Variants in KLHL18 observed in about 807,000 individuals in gnomAD.
KLHL18 encodes kelch like family member 18.
KLHL18 carries 38 observed loss-of-function variants against 58.5 expected under a neutral mutation model. The observed-to-expected ratio is 0.65, with a 90% CI of 0.50 to 0.85. The LOEUF is 0.85. KLHL18 is among the 40% of genes least tolerant of loss of function. KLHL18 has a pLI of 0.00. For synonymous variants in KLHL18, 303 were observed against 301.9 expected, an observed-to-expected ratio of 1.00 and a Z score of -0.04; for missense variants, 624 against 778.4, an observed-to-expected ratio of 0.80 and a Z score of 2.36.
rs1408120029 is a variant in KLHL18, at chr3:47,297,689, ATT to A, written c.129+14598_129+14599del. On this transcript the variant is annotated intron_variant, in intron 1 of 9. Transcript: ENST00000232766. ...AAAGAAGAGGTAAAATTCATCAGAA[ATT>A]TTGTTACTTGTTTGTATCTCAGATG... 26 of 448,826 alleles carry A rather than the reference ATT, an allele frequency of 5.8e-5. No individual in the cohort carries two copies. In the Admixed American group the frequency reaches 6.1e-4, roughly 11 times the overall value. 27.8% of individuals were successfully genotyped at this position (448,826 alleles called of 1,614,324 possible).
rs1184983734 is a variant in KLHL18 at position 47,335,949 on chromosome 3, AT to A, written c.899-585del. Among the ~76,000 whole-genome samples the A allele has an allele frequency of 2.0e-5, 3 of 152,350 alleles. No individual in the cohort carries two copies. The East Asian group carries it at 5.8e-4, about 29-fold the overall frequency. On this transcript the variant is annotated intron_variant, in intron 6 of 9. Coordinates refer to ENST00000232766, the MANE Select transcript of KLHL18 (RefSeq NM_025010.5). ...GAAATGCTAAGTGCCCCATAGCAGC[AT>A]ACCACAGGAAGAGGGGGTTATTTTG...
intron 1 of KLHL18, among the ~76,000 whole-genome samples, chr3:47,317,092 C>T (rs1405720171): frequency 2.6e-5 from 4 of 152,118 alleles, no homozygotes. Context: ...TAGACCCCTT[C>T]TTATGAGGCT....
intron 2 of KLHL18, 97 bp from the exon 3 acceptor site, chr3:47,322,471 C>A: frequency 8.2e-7 from 1 of 1,216,516 alleles, no homozygotes; most frequent in Non-Finnish European, 1.1e-6. Flanking sequence ...TCTCAAAGGG[C>A]CTGGGCTAAG....
chr3:47,298,869 T>C (rs1296507957), intron 1 of KLHL18, among the ~76,000 whole-genome samples: 1 of 152,214 alleles, frequency 6.6e-6, no homozygotes, highest in Non-Finnish European at 1.5e-5. Context: ...GTATTGATCA[T>C]TTTTTCCTTT....
chr3:47,323,837 G>T (rs1036358535), intron 3 of KLHL18, among the ~76,000 whole-genome samples: 4 of 152,218 alleles, frequency 2.6e-5, no homozygotes, highest in Admixed American at 2.6e-4. Context: ...TCCCCTCATG[G>T]AGCTGACCTC....
Position 47,330,995 on chromosome 3 carries a change from G to A in KLHL18, c.600+846G>A, listed in dbSNP as rs539282370. On this transcript the variant is annotated intron_variant, in intron 4 of 9. Coordinates refer to ENST00000232766, the MANE Select transcript of KLHL18 (RefSeq NM_025010.5). ...GACCCGCCCATCTTGGCCTCCCAAA[G>A]TGCTGGGTTTACAGGCGTGAGCCAC... Among the ~76,000 whole-genome samples the A allele has an allele frequency of 5.3e-5, 8 of 152,298 alleles. No individual in the cohort carries two copies. In the South Asian group the frequency reaches 1.7e-3, roughly 32 times the overall value.
At chr3:47,295,626 G>T (rs1559486774) in intron 1 of KLHL18, among the ~76,000 whole-genome samples, 1 of 151,408 alleles carries the variant, frequency 6.6e-6, no homozygotes, top group Non-Finnish European at 1.5e-5. Context: ...CTGGTGCAGT[G>T]GTGCAATCAT....
intron 1 of KLHL18, among the ~76,000 whole-genome samples, chr3:47,317,137 G>A (rs541046095): frequency 6.6e-6 from 1 of 152,124 alleles, no homozygotes; most frequent in South Asian, 2.1e-4. Flanking sequence ...GTTTGAGATG[G>A]AATCTCGTTC....
chr3:47,325,284 G>A (rs532128819), intron 3 of KLHL18, among the ~76,000 whole-genome samples: 4 of 152,048 alleles, frequency 2.6e-5, no homozygotes, highest in African/African-American at 7.2e-5. Flanking sequence ...TGCAAGCTCC[G>A]CCTCCTGTGT....
chr3:47,336,179 C>T (rs1703979419), intron 6 of KLHL18, among the ~76,000 whole-genome samples: 1 of 152,170 alleles, frequency 6.6e-6, no homozygotes, highest in African/African-American at 2.4e-5. Context: ...GGGTCACCCC[C>T]TAGCAAATGA....
chr3:47,290,413 A>G (rs527300772), intron 1 of KLHL18, among the ~76,000 whole-genome samples: 7 of 150,548 alleles, frequency 4.6e-5, no homozygotes, highest in Admixed American at 2.0e-4. Flanking sequence ...TTCTACTGAC[A>G]TTTTTCATGT....
At chr3:47,314,099 A>G (rs1703368999) in intron 1 of KLHL18, among the ~76,000 whole-genome samples, 1 of 151,954 alleles carries the variant, frequency 6.6e-6, no homozygotes, top group South Asian at 2.1e-4. Flanking sequence ...GTGCAGTGAC[A>G]ATTATAGCTC....
chr3:47,330,043 A>G lies in KLHL18; in HGVS notation c.494A>G (p.Gln165Arg). 4 of 1,614,094 alleles carry G rather than the reference A, an allele frequency of 2.5e-6. No individual in the cohort carries two copies. The highest frequency in any genetic ancestry group is 3.4e-6 in the Non-Finnish European group (4 of 1,179,996). ...LYDAANSFIH[Q>R]HFVEVSMSEE... is the part of the protein sequence containing the mutation. ...GACGCTGCCAACAGCTTCATCCACCAGCACTTTGTGGAGGTGTCCATGTCA... is the reference window on the plus strand; with the variant it reads ...GACGCTGCCAACAGCTTCATCCACCGGCACTTTGTGGAGGTGTCCATGTCA... Residue 165 changes from glutamine (Q) to arginine (R), a missense_variant, in exon 4 of 10, where the codon CAG becomes CGG. Gln to Arg is a conservative substitution (Grantham distance 43). Transcript: ENST00000232766.
intron 1 of KLHL18, among the ~76,000 whole-genome samples, chr3:47,317,909 C>T (rs574488521): frequency 6.6e-6 from 1 of 152,284 alleles, no homozygotes; most frequent in South Asian, 2.1e-4. Context: ...GAGACTCCAT[C>T]CCAGGCAGGA....
intron 1 of KLHL18, among the ~76,000 whole-genome samples, chr3:47,314,272 T>C (rs749238341): frequency 1.9e-4 from 29 of 152,136 alleles, no homozygotes; most frequent in Admixed American, 3.3e-4. Context: ...AGAGCTAGGA[T>C]TAAAGGCATA....
At chr3:47,288,073 T>G (rs1038888135) in intron 1 of KLHL18, among the ~76,000 whole-genome samples, 11 of 151,694 alleles carry the variant, frequency 7.3e-5, no homozygotes, top group Non-Finnish European at 1.3e-4. Context: ...ATACAAAAAT[T>G]AGCTGGACAT....
In KLHL18 at chr3:47,309,409, C is replaced by A. The variant is rs559162034; in HGVS notation, c.130-10244C>A. Among the ~76,000 whole-genome samples the A allele has an allele frequency of 2.1e-4, 32 of 151,520 alleles. No homozygotes were observed. The South Asian group carries it at 6.7e-3, about 32-fold the overall frequency. ...GCCGGGCAGAGATGCTCCTCACCTT[C>A]CAGATGGGGTCGCGGCCGGGCAGAG... On this transcript the variant is annotated intron_variant, in intron 1 of 9. Transcript: ENST00000232766.
At chr3:47,290,511 G>A (rs1284296336) in intron 1 of KLHL18, among the ~76,000 whole-genome samples, 1 of 151,798 alleles carries the variant, frequency 6.6e-6, no homozygotes, top group Non-Finnish European at 1.5e-5. Context: ...TGCCCAGGCT[G>A]GAGTACAGTG....
chr3:47,283,796 G>C (rs1448030834), intron 1 of KLHL18, among the ~76,000 whole-genome samples: 1 of 152,210 alleles, frequency 6.6e-6, no homozygotes, highest in East Asian at 1.9e-4. Flanking sequence ...TCCTGTGCCT[G>C]GGTCTTTTCA....
Sources: gnomAD v4.1 joint callset for allele counts (sites outside exome capture counted in the v4.1 genomes callset) on GRCh38, gnomAD v4.1.1 for gene constraint, MANE v1.5 for transcripts, NCBI Gene and HGNC (gene_info 2026-07-23, HGNC 2026-07-21) for gene names.